QTMAN: variants seen among roughly 807,000 people sequenced by gnomAD.
QTMAN encodes tRNA-queuosine alpha-mannosyltransferase.
At chr2:144,025,835 A>G in the QTMAN span, among the ~76,000 whole-genome samples, 3 of 152,132 alleles carry the variant, frequency 2.0e-5, no homozygotes, top group African/African-American at 4.8e-5. Flanking sequence ...TCCAGTCCCT[A>G]CTTCAGGAGC....
At chr2:144,250,213 G>C in the QTMAN span, among the ~76,000 whole-genome samples, 1 of 147,126 alleles carries the variant, frequency 6.8e-6, no homozygotes, top group Non-Finnish European at 1.5e-5. Flanking sequence ...TTGGTATCTT[G>C]GCTCACCGCA....
the QTMAN span, among the ~76,000 whole-genome samples, chr2:144,318,353 A>G: frequency 6.6e-6 from 1 of 152,200 alleles, no homozygotes; most frequent in East Asian, 1.9e-4. Context: ...TAAATGAATG[A>G]TGGCATTTAA....
chr2:144,153,514 C>T, the QTMAN span, among the ~76,000 whole-genome samples: 1 of 152,046 alleles, frequency 6.6e-6, no homozygotes, highest in Non-Finnish European at 1.5e-5. Flanking sequence ...TCGAGACCAT[C>T]TTGGCTAACA....
the QTMAN span, among the ~76,000 whole-genome samples, chr2:144,093,884 T>C: frequency 6.6e-6 from 1 of 152,198 alleles, no homozygotes. Context: ...ATGGTGAATA[T>C]ATATACACAT....
At chr2:144,259,752 A>T in the QTMAN span, among the ~76,000 whole-genome samples, 4 of 152,152 alleles carry the variant, frequency 2.6e-5, no homozygotes, top group African/African-American at 9.7e-5. Context: ...GTCTAAGAAA[A>T]GAAATTTATT....
chr2:144,062,993 C>T, the QTMAN span, among the ~76,000 whole-genome samples: 1 of 152,106 alleles, frequency 6.6e-6, no homozygotes, highest in Non-Finnish European at 1.5e-5. Context: ...ACCATCCAGC[C>T]CCAGGCTAGA....
At chr2:144,189,017 C>T in the QTMAN span, among the ~76,000 whole-genome samples, 5 of 152,300 alleles carry the variant, frequency 3.3e-5, no homozygotes, top group African/African-American at 1.2e-4. Flanking sequence ...TTTATACTTA[C>T]AATCTACAAC....
the QTMAN span, among the ~76,000 whole-genome samples, chr2:144,225,196 A>G: frequency 6.6e-6 from 1 of 152,218 alleles, no homozygotes; most frequent in Non-Finnish European, 1.5e-5. Flanking sequence ...TTCTACTGGG[A>G]GCCAGTACAC....
chr2:144,089,666 C>T, the QTMAN span, among the ~76,000 whole-genome samples: 1 of 152,002 alleles, frequency 6.6e-6, no homozygotes, highest in Non-Finnish European at 1.5e-5. Flanking sequence ...GGTCTCTCTC[C>T]AGGCACAAAA....
At chr2:144,069,013 A>C in the QTMAN span, among the ~76,000 whole-genome samples, 1 of 152,178 alleles carries the variant, frequency 6.6e-6, no homozygotes, top group African/African-American at 2.4e-5. Context: ...TTAGGGTACA[A>C]AGATATTCAG....
chr2:144,106,716 G>C, the QTMAN span, among the ~76,000 whole-genome samples: 1 of 152,118 alleles, frequency 6.6e-6, no homozygotes, highest in Non-Finnish European at 1.5e-5. Context: ...AAGTTAACAA[G>C]GATATCCAGC....
chr2:143,947,431 T>G, the QTMAN span, among the ~76,000 whole-genome samples: 2 of 152,138 alleles, frequency 1.3e-5, no homozygotes, highest in African/African-American at 2.4e-5. Context: ...CCATTCATAG[T>G]TGGATGATGA....
chr2:144,276,369 T>C, the QTMAN span, among the ~76,000 whole-genome samples: 12 of 152,008 alleles, frequency 7.9e-5, no homozygotes, highest in Admixed American at 5.9e-4. Context: ...TTATTTTTAT[T>C]TTTATTTTTG....
At chr2:144,248,469 G>A in the QTMAN span, among the ~76,000 whole-genome samples, 3 of 152,096 alleles carry the variant, frequency 2.0e-5, no homozygotes, top group Non-Finnish European at 2.9e-5. Flanking sequence ...CACTCATGGC[G>A]CTATTTAAAT....
At chr2:144,307,666 CA>C in the QTMAN span, among the ~76,000 whole-genome samples, 1 of 152,140 alleles carries the variant, frequency 6.6e-6, no homozygotes, top group Non-Finnish European at 1.5e-5. Context: ...ATGTAAAAAT[CA>C]ATTCTAGTTC....
the QTMAN span, among the ~76,000 whole-genome samples, chr2:144,030,821 TG>T: frequency 6.6e-6 from 1 of 152,146 alleles, no homozygotes; most frequent in Non-Finnish European, 1.5e-5. Context: ...TACAAAGCTC[TG>T]GGAGTATTCT....
chr2:143,958,050 C>T, the QTMAN span, among the ~76,000 whole-genome samples: 1 of 152,036 alleles, frequency 6.6e-6, no homozygotes. Flanking sequence ...AATATTCCTT[C>T]TTAATCTAAT....
At chr2:144,220,205 A>G in the QTMAN span, among the ~76,000 whole-genome samples, 1 of 152,222 alleles carries the variant, frequency 6.6e-6, no homozygotes, top group African/African-American at 2.4e-5. Context: ...CACAAGAGGC[A>G]TATTATTAGC....
chr2:143,957,283 A>T, the QTMAN span: 1 of 1,612,274 alleles, frequency 6.2e-7, no homozygotes, highest in Non-Finnish European at 8.5e-7. Flanking sequence ...TTGCTGGGTA[A>T]GTAGCCCCAG....
Sources: gnomAD v4.1 joint callset for allele counts (sites outside exome capture counted in the v4.1 genomes callset) on GRCh38, gnomAD v4.1.1 for gene constraint, MANE v1.5 for transcripts, NCBI Gene and HGNC (gene_info 2026-07-23, HGNC 2026-07-21) for gene names.